The following PTPRD variants were observed in gnomAD, a reference collection of about 807,000 sequenced individuals.
PTPRD encodes the protein protein tyrosine phosphatase receptor type D, also known as receptor-type tyrosine-protein phosphatase delta.
PTPRD carries 34 observed loss-of-function variants against 214.5 expected under a neutral mutation model. The ratio of observed to expected loss-of-function variants is 0.16; its 90% CI spans 0.12 to 0.21. The LOEUF (loss-of-function observed/expected upper bound fraction) is 0.21. Among genes scored for constraint, PTPRD ranks in the 10% least tolerant of loss-of-function variants. The pLI is 1.00. For synonymous variants in PTPRD, 1,128 were observed against 845.7 expected, an observed-to-expected ratio of 1.33 and a Z score of -5.79; for missense variants, 2,545 against 2,398.7, an observed-to-expected ratio of 1.06 and a Z score of -1.27.
At chr9:8,635,687 CT>C (rs1201664732) in intron 13 of PTPRD, among the ~76,000 whole-genome samples, 1 of 152,054 alleles carries the variant, frequency 6.6e-6, no homozygotes, top group African/African-American at 2.4e-5. Context: ...ATCTGCCAAA[CT>C]GTAAATTAGG....
intron 5 of PTPRD, among the ~76,000 whole-genome samples, chr9:9,816,820 G>C (rs1199147192): frequency 1.3e-5 from 2 of 151,910 alleles, no homozygotes; most frequent in East Asian, 1.9e-4. Context: ...TCAATAGTAA[G>C]AGCTGGATCT....
intron 14 of PTPRD, among the ~76,000 whole-genome samples, chr9:8,574,668 T>C (rs181101179): frequency 2.6e-5 from 4 of 152,204 alleles, no homozygotes; most frequent in Admixed American, 1.3e-4. Context: ...GTTCAAGGCA[T>C]AGTTTCCTGT....
At chr9:8,575,410 A>G (rs1232658117) in intron 14 of PTPRD, among the ~76,000 whole-genome samples, 1 of 152,164 alleles carries the variant, frequency 6.6e-6, no homozygotes, top group Admixed American at 6.5e-5. Context: ...TGCATTAAAT[A>G]GCCCTGTACG....
At chr9:8,727,674 T>G (rs997869895) in intron 12 of PTPRD, among the ~76,000 whole-genome samples, 1 of 151,090 alleles carries the variant, frequency 6.6e-6, no homozygotes, top group Non-Finnish European at 1.5e-5. Flanking sequence ...TTGTTTGTTT[T>G]GAGACAGAGT....
intron 5 of PTPRD, among the ~76,000 whole-genome samples, chr9:9,778,765 T>A (rs1055346486): frequency 6.6e-6 from 1 of 152,088 alleles, no homozygotes; most frequent in Non-Finnish European, 1.5e-5. Context: ...CTAGGCCATG[T>A]TCTGGTGCCT....
chr9:8,919,273 G>A (rs1276753966), intron 11 of PTPRD, among the ~76,000 whole-genome samples: 1 of 151,788 alleles, frequency 6.6e-6, no homozygotes, highest in Non-Finnish European at 1.5e-5. Flanking sequence ...CACACCTGTA[G>A]TCCCAGTGAC....
At chr9:10,566,360 T>A (rs534011957) in intron 2 of PTPRD, among the ~76,000 whole-genome samples, 3 of 152,074 alleles carry the variant, frequency 2.0e-5, no homozygotes, top group Non-Finnish European at 4.4e-5. Flanking sequence ...ACAAAAAGGA[T>A]GTGCCAATTT....
At chr9:9,866,968 T>C (rs1335858009) in intron 5 of PTPRD, among the ~76,000 whole-genome samples, 2 of 152,176 alleles carry the variant, frequency 1.3e-5, no homozygotes, top group African/African-American at 4.8e-5. Flanking sequence ...CTTTCATATT[T>C]TGTTTGAGTA....
intron 7 of PTPRD, among the ~76,000 whole-genome samples, chr9:9,589,486 G>A (rs1479440120): frequency 6.6e-6 from 1 of 151,886 alleles, no homozygotes; most frequent in African/African-American, 2.4e-5. Context: ...TGATTCCTCA[G>A]TAAGACCATG....
rs143597529 is a variant in PTPRD, at chr9:10,551,679, T to C, written c.-600+60719A>G. On this transcript the variant is annotated intron_variant, in intron 2 of 45. Coordinates refer to ENST00000381196, the MANE Select transcript of PTPRD (RefSeq NM_002839.4). ...ATTATAGAATTATAAGAAATAAACT[T>C]CTGTTGTTTACAAGTTACCCAGTCT... Among the ~76,000 whole-genome samples the C allele has an allele frequency of 5.3e-5, 8 of 152,252 alleles. No individual in the cohort carries two copies. The East Asian group carries it at 1.4e-3, about 26-fold the overall frequency.
intron 3 of PTPRD, among the ~76,000 whole-genome samples, chr9:10,265,991 G>A (rs915038132): frequency 3.3e-5 from 5 of 152,120 alleles, no homozygotes; most frequent in East Asian, 3.9e-4. Flanking sequence ...AAGTGATCAT[G>A]TAAAACTTTG....
At chr9:9,916,983 G>C (rs1602028877) in intron 5 of PTPRD, among the ~76,000 whole-genome samples, 2 of 151,332 alleles carry the variant, frequency 1.3e-5, no homozygotes, top group African/African-American at 4.9e-5. Context: ...AAAAAGTTAA[G>C]AATGAAATTT....
intron 9 of PTPRD, among the ~76,000 whole-genome samples, chr9:9,306,373 G>A (rs549035931): frequency 1.3e-5 from 2 of 151,638 alleles, no homozygotes; most frequent in African/African-American, 4.8e-5. Flanking sequence ...GGACCAGCCT[G>A]GCTAACATAG....
intron 10 of PTPRD, among the ~76,000 whole-genome samples, chr9:9,121,949 C>G (rs1199219968): frequency 6.6e-6 from 1 of 152,072 alleles, no homozygotes; most frequent in African/African-American, 2.4e-5. Context: ...TCTACAAGCC[C>G]AAGAAAAGTT....
intron 2 of PTPRD, among the ~76,000 whole-genome samples, chr9:10,448,035 G>C (rs923634316): frequency 6.6e-6 from 1 of 151,972 alleles, no homozygotes; most frequent in Non-Finnish European, 1.5e-5. Context: ...GTAGCTATAA[G>C]TGCATGTATA....
chr9:10,079,837 A>G (rs1324658149), intron 3 of PTPRD, among the ~76,000 whole-genome samples: 1 of 152,114 alleles, frequency 6.6e-6, no homozygotes, highest in Non-Finnish European at 1.5e-5. Flanking sequence ...CCGACCCTAA[A>G]GGATATGAAG....
intron 10 of PTPRD, among the ~76,000 whole-genome samples, chr9:9,105,727 G>A (rs754385040): frequency 4.6e-5 from 7 of 152,200 alleles, no homozygotes; most frequent in Non-Finnish European, 8.8e-5. Flanking sequence ...CACTGAAAAT[G>A]TTCAGGGGAT....
intron 11 of PTPRD, among the ~76,000 whole-genome samples, chr9:8,908,411 T>C (rs985026515): frequency 6.6e-6 from 1 of 152,094 alleles, no homozygotes; most frequent in African/African-American, 2.4e-5. Flanking sequence ...TGTTTTATTA[T>C]AATTAAATAA....
At chr9:10,423,967 C>T (rs1305381330) in intron 2 of PTPRD, among the ~76,000 whole-genome samples, 1 of 151,802 alleles carries the variant, frequency 6.6e-6, no homozygotes. Context: ...TAAGATTTTC[C>T]AATAGAGGGT....
Sources: allele counts gnomAD v4.1 joint callset (sites outside exome capture counted in the v4.1 genomes callset), GRCh38; gene constraint gnomAD v4.1.1; transcripts MANE v1.5; gene names NCBI Gene and HGNC (gene_info 2026-07-23, HGNC 2026-07-21).